CTNND2: variants seen among roughly 807,000 people sequenced by gnomAD.
The protein encoded by CTNND2 is catenin delta-2.
A neutral mutation model predicts 144.4 loss-of-function variants in CTNND2; 22 were observed. That is an observed-to-expected ratio of 0.15 (90% CI 0.11 to 0.22). CTNND2 has a LOEUF of 0.22. CTNND2 is among the 10% of genes least tolerant of loss of function. CTNND2 has a pLI of 1.00. For missense variants in CTNND2, 1,353 were observed against 1,618.8 expected, an observed-to-expected ratio of 0.84 and a Z score of 2.82; for synonymous variants, 751 against 695.6, an observed-to-expected ratio of 1.08 and a Z score of -1.25.
intron 16 of CTNND2, among the ~76,000 whole-genome samples, chr5:11,045,818 T>G (rs762950147): frequency 1.3e-5 from 2 of 152,146 alleles, no homozygotes; most frequent in Non-Finnish European, 2.9e-5. Context: ...GGGGCCACCA[T>G]CTCACCCACT....
At chr5:11,382,938 G>A (rs960401393) in intron 7 of CTNND2, among the ~76,000 whole-genome samples, 2 of 151,932 alleles carry the variant, frequency 1.3e-5, no homozygotes, top group African/African-American at 2.4e-5. Flanking sequence ...CAACCTAAGC[G>A]CAATACAATC....
intron 10 of CTNND2, among the ~76,000 whole-genome samples, chr5:11,224,792 T>A (rs975071002): frequency 5.3e-5 from 8 of 152,206 alleles, no homozygotes; most frequent in Non-Finnish European, 1.0e-4. Context: ...GTCTTTCTGG[T>A]TTACTTCCTA....
chr5:11,155,684 T>C (rs902432014), intron 12 of CTNND2, among the ~76,000 whole-genome samples: 3 of 152,092 alleles, frequency 2.0e-5, no homozygotes, highest in Non-Finnish European at 2.9e-5. Flanking sequence ...GCCATCATCC[T>C]TATCAACTCA....
chr5:11,899,441 T>C (rs1737681405), intron 1 of CTNND2, among the ~76,000 whole-genome samples: 1 of 152,216 alleles, frequency 6.6e-6, no homozygotes, highest in Non-Finnish European at 1.5e-5. Context: ...CTCCTTTAGC[T>C]TAACTGCTAT....
At chr5:11,303,128 C>T (rs1749790193) in intron 9 of CTNND2, among the ~76,000 whole-genome samples, 1 of 152,224 alleles carries the variant, frequency 6.6e-6, no homozygotes, top group Non-Finnish European at 1.5e-5. Flanking sequence ...CAGAAACTTC[C>T]TTTCTCTTCC....
chr5:11,785,192 G>A (rs979716915), intron 1 of CTNND2, among the ~76,000 whole-genome samples: 1 of 152,128 alleles, frequency 6.6e-6, no homozygotes, highest in Non-Finnish European at 1.5e-5. Context: ...TTATAATACA[G>A]TGAGACATAA....
chr5:11,709,913 T>C (rs1393442293), intron 2 of CTNND2, among the ~76,000 whole-genome samples: 1 of 152,204 alleles, frequency 6.6e-6, no homozygotes, highest in African/African-American at 2.4e-5. Flanking sequence ...AAAAAGCATA[T>C]TTGTACATTA....
rs557494366 is a variant in CTNND2 at position 11,454,147 on chromosome 5, C to T, written c.288-42078G>A. On this transcript the variant is annotated intron_variant, in intron 3 of 21. Transcript: ENST00000304623. Reference sequence around the variant, plus strand: ...ACTTATAAAAACATAATAGGGCCAACGCGGTGGCTCACGCCTGTAGCCCCA... The same window carrying T: ...ACTTATAAAAACATAATAGGGCCAATGCGGTGGCTCACGCCTGTAGCCCCA... 1.2e-4 allele frequency among the ~76,000 whole-genome samples: 18 copies of T among 152,296 alleles called. No individual in the cohort carries two copies. In the East Asian group the frequency reaches 2.9e-3, roughly 24 times the overall value.
At chr5:11,360,404 T>G (rs550764488) in intron 8 of CTNND2, among the ~76,000 whole-genome samples, 1 of 152,094 alleles carries the variant, frequency 6.6e-6, no homozygotes, top group Non-Finnish European at 1.5e-5. Context: ...TTAGCCTTAG[T>G]GGTGTTTTGA....
Position 11,500,087 on chromosome 5 carries a change from A to G in CTNND2, c.287+64857T>C, listed in dbSNP as rs561154172. On this transcript the variant is annotated intron_variant, in intron 3 of 21. Coordinates refer to ENST00000304623, the MANE Select transcript of CTNND2 (RefSeq NM_001332.4). ...ATGAAGGGCATGTTTTTATGTTTCA[A>G]TCTGAATTTCCCTCATCTCTGCTGT... Among the ~76,000 whole-genome samples, 16 of 152,202 alleles carry G rather than the reference A, an allele frequency of 1.1e-4. No individual in the cohort carries two copies. The East Asian group carries it at 2.9e-3, about 28-fold the overall frequency.
rs1424563622 is a variant in CTNND2, at chr5:11,297,915, A to T, written c.1628+48457T>A. The stretch of plus-strand genomic sequence containing the variant: ...GACAAGACAAAATGAAAATACCATC[A>T]TCCTAATGTTAAAGTAAAAATTAGC... On this transcript the variant is annotated intron_variant, in intron 9 of 21. Coordinates refer to ENST00000304623, the MANE Select transcript of CTNND2 (RefSeq NM_001332.4). Among the ~76,000 whole-genome samples the T allele has an allele frequency of 4.6e-5, 7 of 152,192 alleles. No homozygotes were observed. The East Asian group carries it at 1.3e-3, about 29-fold the overall frequency.
chr5:11,851,790 G>A lies in CTNND2; in HGVS notation c.37+52027C>T, dbSNP rs1469432177. 2.0e-5 allele frequency among the ~76,000 whole-genome samples: 3 copies of A among 152,312 alleles called. No homozygotes were observed. In the East Asian group the frequency reaches 5.8e-4, roughly 29 times the overall value. On this transcript the variant is annotated intron_variant, in intron 1 of 21. Coordinates refer to ENST00000304623, the MANE Select transcript of CTNND2 (RefSeq NM_001332.4). ...GTTTCATAAGGTACTGATGGTAAAA[G>A]TAAATCCAAAATTCTAAGCTTTGAT...
At chr5:11,161,640 T>G in intron 11 of CTNND2, among the ~76,000 whole-genome samples, 1 of 152,156 alleles carries the variant, frequency 6.6e-6, no homozygotes, top group East Asian at 1.9e-4. Context: ...AAAAAGAAAT[T>G]AGTATCTACC....
intron 2 of CTNND2, among the ~76,000 whole-genome samples, chr5:11,632,545 C>G (rs1323610395): frequency 6.6e-6 from 1 of 152,114 alleles, no homozygotes; most frequent in Non-Finnish European, 1.5e-5. Context: ...AAATGTGCAG[C>G]TTTCAACCAA....
In CTNND2 at chr5:11,111,055, G is replaced by A. The variant is rs755713773; in HGVS notation, c.2278-12C>T. On this transcript the variant is annotated splice_polypyrimidine_tract_variant and intron_variant, in intron 13 of 21. Coordinates refer to ENST00000304623, the MANE Select transcript of CTNND2 (RefSeq NM_001332.4). ...CAGTTTTCAACGGTCTGCAGAAAAG[G>A]GGGAAACAGAGGAAAGAATGAGTAA... 5.6e-6 allele frequency: 9 copies of A among 1,607,928 alleles called. No homozygotes were observed. Among genetic ancestry groups the A allele is most frequent in the Non-Finnish European group, 7.7e-6 (9 of 1,175,058 alleles).
rs527774199 is a variant in CTNND2, at chr5:11,508,516, A to G, written c.287+56428T>C. ...AAACCCATATATCAACACATTATCA[A>G]GTGAAATAATCTCTTTTATGTTGCA... On this transcript the variant is annotated intron_variant, in intron 3 of 21. Transcript: ENST00000304623. 1.6e-4 allele frequency: 25 copies of G among 152,268 alleles called. 1 individual carries two copies. The South Asian group carries it at 5.2e-3, about 32-fold the overall frequency. 9.4% of individuals were successfully genotyped at this position (152,268 alleles called of 1,614,324 possible). A position where few individuals can be genotyped will look rare whatever the true frequency, so the allele number is the denominator to read the frequency against.
chr5:11,139,771 C>T (rs768021792), intron 12 of CTNND2, among the ~76,000 whole-genome samples: 5 of 152,304 alleles, frequency 3.3e-5, no homozygotes, highest in South Asian at 4.2e-4. Context: ...CATAAACTGC[C>T]GATTTATTCT....
chr5:11,844,327 T>C (rs889011960), intron 1 of CTNND2, among the ~76,000 whole-genome samples: 5 of 152,022 alleles, frequency 3.3e-5, no homozygotes, highest in South Asian at 2.1e-4. Context: ...CGTGAGTGCA[T>C]TGTAAATATC....
intron 8 of CTNND2, among the ~76,000 whole-genome samples, chr5:11,356,804 T>C (rs1401931888): frequency 6.6e-6 from 1 of 151,438 alleles, no homozygotes; most frequent in Non-Finnish European, 1.5e-5. Context: ...ACATCCAGAA[T>C]ATATAAGAAA....
Sources: gnomAD v4.1 joint callset for allele counts (sites outside exome capture counted in the v4.1 genomes callset) on GRCh38, gnomAD v4.1.1 for gene constraint, MANE v1.5 for transcripts, NCBI Gene and HGNC (gene_info 2026-07-23, HGNC 2026-07-21) for gene names.